CDH26: variants seen among roughly 807,000 people sequenced by gnomAD.
CDH26 encodes the protein cadherin-like protein 26.
In CDH26, 83 loss-of-function variants were observed where a neutral mutation model predicts 90.3. The observed-to-expected ratio is 0.92, with a 90% CI of 0.77 to 1.10. The LOEUF is 1.10. Ranked by LOEUF, CDH26 falls within the 50% of genes least tolerant of loss-of-function variation. The pLI is 0.00. For missense variants in CDH26, 1,013 were observed against 1,037.6 expected, an observed-to-expected ratio of 0.98 and a Z score of 0.33; for synonymous variants, 397 against 396.3, an observed-to-expected ratio of 1.00 and a Z score of -0.02.
chr20:60,033,634 AGAAT>A lies in CDH26; in HGVS notation c.1293_1296del (p.Glu432ArgfsTer43). ...CATGTTTCCCAGGAGACTACAGAGGAGAATCGGCAGGTGGTCACAATTGCAGGGC... is the reference window on the plus strand; with the variant it reads ...CATGTTTCCCAGGAGACTACAGAGGACGGCAGGTGGTCACAATTGCAGGGC... On this transcript the variant is annotated frameshift_variant, in exon 9 of 9. Coordinates refer to the CDH26 transcript ENST00000370991. LOFTEE classifies it high-confidence loss of function. 2 of 1,304,836 alleles carry A rather than the reference AGAAT, an allele frequency of 1.5e-6. No homozygotes were observed. The highest frequency in any genetic ancestry group is 2.0e-6 in the Non-Finnish European group (2 of 989,030). 80.8% of individuals were successfully genotyped at this position (1,304,836 alleles called of 1,614,324 possible).
At chr20:60,009,114 C>T (rs955402424) in intron 17 of CDH26, among the ~76,000 whole-genome samples, 24 of 152,188 alleles carry the variant, frequency 1.6e-4, no homozygotes, top group African/African-American at 5.5e-4. Context: ...ATGAAAGAAC[C>T]ATTTTCACTA....
chr20:60,027,535 CTAAA>C (rs1238058410), intron 7 of CDH26, among the ~76,000 whole-genome samples: 4 of 152,070 alleles, frequency 2.6e-5, no homozygotes, highest in Non-Finnish European at 5.9e-5. Context: ...TACTTTACCC[CTAAA>C]TACTTTGCCT....
chr20:59,993,903 G>A (rs1243364236), intron 10 of CDH26, among the ~76,000 whole-genome samples: 1 of 151,984 alleles, frequency 6.6e-6, no homozygotes, highest in Non-Finnish European at 1.5e-5. Context: ...CTCCCCTTGG[G>A]GACCCCCATG....
Sources: allele counts gnomAD v4.1 joint callset (sites outside exome capture counted in the v4.1 genomes callset), GRCh38; gene constraint gnomAD v4.1.1; transcripts MANE v1.5; gene names NCBI Gene and HGNC (gene_info 2026-07-23, HGNC 2026-07-21).